The following SGIP1 variants were observed in gnomAD, a reference collection of about 807,000 sequenced individuals.
The protein encoded by SGIP1 is SH3-containing GRB2-like protein 3-interacting protein 1.
A neutral mutation model predicts 107.5 loss-of-function variants in SGIP1; 38 were observed. That is an observed-to-expected ratio of 0.35 (90% CI 0.27 to 0.46). The LOEUF (loss-of-function observed/expected upper bound fraction) is 0.46. SGIP1 is among the 20% of genes least tolerant of loss of function. The pLI is 1.00. For synonymous variants in SGIP1, 365 were observed against 366.1 expected, an observed-to-expected ratio of 1.00 and a Z score of 0.03; for missense variants, 929 against 1,019.5, an observed-to-expected ratio of 0.91 and a Z score of 1.21.
In SGIP1 at chr1:66,743,784, C is replaced by G. The variant is rs2094517666; in HGVS notation, c.*689C>G. On this transcript the variant is annotated 3_prime_UTR_variant, in exon 25 of 25. Coordinates refer to ENST00000371037, the MANE Select transcript of SGIP1 (RefSeq NM_032291.4). ...TTCATAAAAATGCAAACTGTGTAAA[C>G]AGGGCCTCTTATTTTTATAACTTGT... 6.6e-6 allele frequency: 1 copy of G among 152,394 alleles called. No individual in the cohort carries two copies. The highest frequency in any genetic ancestry group is 2.4e-5 in the African/African-American group (1 of 41,388). The allele number at this position is 152,394 out of a possible 1,614,324, so 9.4% of individuals were successfully genotyped here.
At chr1:66,684,125 A>G in intron 15 of SGIP1, 1 of 1,550,576 alleles carries the variant, frequency 6.4e-7, no homozygotes, top group Non-Finnish European at 8.7e-7. Flanking sequence ...ACTGAGGCTC[A>G]GAGATATCAA....
At chr1:66,707,792 CT>C (rs951419353) in intron 18 of SGIP1, among the ~76,000 whole-genome samples, 30 of 152,038 alleles carry the variant, frequency 2.0e-4, no homozygotes, top group African/African-American at 2.4e-4. Flanking sequence ...GCTTCTCAAA[CT>C]TTTTTTTCAT....
rs1003461973 is a variant in SGIP1, at chr1:66,628,152, A to G, written c.74+2242A>G. Among the ~76,000 whole-genome samples the G allele has an allele frequency of 3.9e-5, 6 of 152,074 alleles. No individual in the cohort carries two copies. The East Asian group carries it at 9.6e-4, about 24-fold the overall frequency. ...TTTCTTAATCCAGTCTATCATTGTT[A>G]GACATTTGGGTTGATTCCAAGTCTT... On this transcript the variant is annotated intron_variant, in intron 2 of 24. Transcript: ENST00000371037.
At chr1:66,623,547 G>T (rs1251268436) in intron 1 of SGIP1, among the ~76,000 whole-genome samples, 1 of 152,126 alleles carries the variant, frequency 6.6e-6, no homozygotes, top group Non-Finnish European at 1.5e-5. Context: ...TACTGCACCT[G>T]GCCCAAACTT....
Position 66,676,991 on chromosome 1 carries a change from T to A in SGIP1, c.647-13T>A. 1 of 1,595,778 alleles carries A rather than the reference T, an allele frequency of 6.3e-7. No individual in the cohort carries two copies. The highest frequency in any genetic ancestry group is 8.5e-7 in the Non-Finnish European group (1 of 1,174,346). On this transcript the variant is annotated splice_polypyrimidine_tract_variant and intron_variant, in intron 12 of 24. Transcript: ENST00000371037. ...TTTAACTCACCCTGGGAAATCTTCT[T>A]TTTTGTTTCCAGTTCTTTTAGATCA... is the stretch of plus-strand genomic sequence containing the variant.
chr1:66,708,527 T>C (rs1268945118), intron 18 of SGIP1, among the ~76,000 whole-genome samples: 1 of 152,206 alleles, frequency 6.6e-6, no homozygotes, highest in Non-Finnish European at 1.5e-5. Flanking sequence ...CTTTGTCTTC[T>C]GTCTTATGTT....
intron 1 of SGIP1, among the ~76,000 whole-genome samples, chr1:66,594,606 C>A (rs2064257611): frequency 6.6e-6 from 1 of 152,140 alleles, no homozygotes; most frequent in Non-Finnish European, 1.5e-5. Context: ...TGGGAGCAGT[C>A]ATGCGGCCCA....
rs187063285 is a variant in SGIP1, at chr1:66,664,993, C to T, written c.472-2537C>T. Among the ~76,000 whole-genome samples, 267 of 152,258 alleles carry T rather than the reference C, an allele frequency of 1.8e-3. 2 individuals carry two copies. Among genetic ancestry groups the T allele is most frequent in the African/African-American group, 6.2e-3 (258 of 41,546 alleles). On this transcript the variant is annotated intron_variant, in intron 8 of 24. Transcript: ENST00000371037. ...GTTGTTGTTGTTGTTGTTTATCATA[C>T]TTTAAGTTCTGGGATACATGTGCAC...
chr1:66,693,704 T>C (rs1245661806), intron 17 of SGIP1, among the ~76,000 whole-genome samples: 2 of 152,224 alleles, frequency 1.3e-5, no homozygotes, highest in Non-Finnish European at 2.9e-5. Flanking sequence ...ATTTGTTAGT[T>C]GCTGAGAAGA....
chr1:66,646,208 C>G (rs2077633108), intron 7 of SGIP1, among the ~76,000 whole-genome samples: 1 of 152,082 alleles, frequency 6.6e-6, no homozygotes, highest in African/African-American at 2.4e-5. Flanking sequence ...CAGAAATAAC[C>G]TAAAATCCAG....
intron 13 of SGIP1, 101 bp downstream of exon 13, chr1:66,677,197 C>A: frequency 2.3e-6 from 2 of 851,336 alleles, no homozygotes; most frequent in Non-Finnish European, 3.8e-6. Context: ...ATGTAAGCAA[C>A]ATTAGAACTG....
intron 1 of SGIP1, among the ~76,000 whole-genome samples, chr1:66,564,595 A>G (rs2059401725): frequency 6.6e-6 from 1 of 151,982 alleles, no homozygotes; most frequent in Admixed American, 6.6e-5. Flanking sequence ...ACACTGGTCC[A>G]CATACAGCCC....
At position 66,739,478 on chromosome 1, in the gene SGIP1, C is replaced by A; in HGVS notation, c.2175C>A (p.Phe725Leu). 1 of 1,614,146 alleles carries A rather than the reference C, an allele frequency of 6.2e-7. No homozygotes were observed. The highest frequency in any genetic ancestry group is 8.5e-7 in the Non-Finnish European group (1 of 1,180,046). ...CTGTGGCCCTCAACAATGTGCAGTT[C>A]CTGGTCCCCATCGACGGAGGAGTCA... ...TTAVALNNVQ[F>L]LVPIDGGVTK... Residue 725 changes from phenylalanine to leucine, a missense_variant, in exon 22 of 25, where the codon TTC becomes TTA. By Grantham distance (22) the Phe-to-Leu change is conservative (BLOSUM62 0). This residue lies in a region of SGIP1 where 341 missense variants were observed against 430.9 expected (regional missense o/e 0.79). Transcript: ENST00000371037.
chr1:66,709,448 T>C (rs1465016879), intron 18 of SGIP1, among the ~76,000 whole-genome samples: 1 of 152,098 alleles, frequency 6.6e-6, no homozygotes, highest in Non-Finnish European at 1.5e-5. Flanking sequence ...TGCAAAAACA[T>C]GGGTAAACGG....
At chr1:66,652,042 A>G (rs1421003306) in intron 7 of SGIP1, among the ~76,000 whole-genome samples, 1 of 152,172 alleles carries the variant, frequency 6.6e-6, no homozygotes, top group Admixed American at 6.5e-5. Flanking sequence ...TATTTTACGG[A>G]GAAACCAGCA....
intron 1 of SGIP1, among the ~76,000 whole-genome samples, chr1:66,568,799 C>A (rs1002424972): frequency 6.6e-6 from 1 of 151,804 alleles, no homozygotes; most frequent in Non-Finnish European, 1.5e-5. Context: ...CAGAAAAGGC[C>A]TTTGATAAAA....
intron 5 of SGIP1, among the ~76,000 whole-genome samples, chr1:66,641,608 T>G (rs2076810087): frequency 6.6e-6 from 1 of 152,194 alleles, no homozygotes; most frequent in Non-Finnish European, 1.5e-5. Context: ...TTTCTCTTAT[T>G]TTCCCCCTTG....
At chr1:66,603,529 A>G (rs2066260019) in intron 1 of SGIP1, among the ~76,000 whole-genome samples, 1 of 152,184 alleles carries the variant, frequency 6.6e-6, no homozygotes, top group Non-Finnish European at 1.5e-5. Context: ...ATTGCTTCTG[A>G]TACAGCATCA....
chr1:66,669,031 G>C (rs79830384), intron 9 of SGIP1, among the ~76,000 whole-genome samples: 9 of 152,304 alleles, frequency 5.9e-5, no homozygotes, highest in Non-Finnish European at 1.0e-4. Context: ...CAGATAGCAG[G>C]ACTTTCTTTT....
Sources: gnomAD v4.1 joint callset for allele counts (sites outside exome capture counted in the v4.1 genomes callset) on GRCh38, gnomAD v4.1.1 for gene constraint, gnomAD v4.1.1 regional missense constraint, MANE v1.5 for transcripts, NCBI Gene and HGNC (gene_info 2026-07-23, HGNC 2026-07-21) for gene names.